Variants in ACTMAP observed in about 807,000 individuals in gnomAD.
ACTMAP encodes the protein UPF0692 protein C19orf54.
chr19:40,746,349 AGCTGGGATTATAG>A, the ACTMAP span, among the ~76,000 whole-genome samples: 2 of 151,788 alleles, frequency 1.3e-5, no homozygotes, highest in Non-Finnish European at 2.9e-5. Flanking sequence ...CCTCCTGAGT[AGCTGGGATTATAG>A]GCATGCGCCA....
the ACTMAP span, chr19:40,744,413 C>G: frequency 4.2e-5 from 60 of 1,434,886 alleles, no homozygotes; most frequent in Admixed American, 1.7e-4. Flanking sequence ...TCAAGTCCAT[C>G]TTGTAACCTC....
the ACTMAP span, among the ~76,000 whole-genome samples, chr19:40,745,921 C>T: frequency 6.6e-6 from 1 of 152,216 alleles, no homozygotes; most frequent in Non-Finnish European, 1.5e-5. Context: ...ATCCACCCAC[C>T]TTGGCCTCCC....
the ACTMAP span, chr19:40,742,614 C>A: frequency 3.1e-6 from 5 of 1,612,032 alleles, no homozygotes; most frequent in Non-Finnish European, 4.2e-6. Flanking sequence ...CCAACTCTTG[C>A]CCTGCTTGGA....
At chr19:40,744,932 T>C in the ACTMAP span, 1 of 798,998 alleles carries the variant, frequency 1.3e-6, no homozygotes, top group Non-Finnish European at 2.0e-6. Flanking sequence ...ACCAGGCTCA[T>C]TCGTTCATTC....
At chr19:40,741,368 G>A in the ACTMAP span, 4 of 195,122 alleles carry the variant, frequency 2.1e-5, no homozygotes, top group East Asian at 4.8e-4. Context: ...ACTTGAACCT[G>A]GGAAGTGGAG....
At chr19:40,742,098 G>C in the ACTMAP span, 38 of 536,244 alleles carry the variant, frequency 7.1e-5, no homozygotes, top group Middle Eastern at 8.6e-4. Flanking sequence ...GGTGAGCTGA[G>C]GCTGACGCAG....
chr19:40,742,992 C>T, the ACTMAP span, among the ~76,000 whole-genome samples: 2 of 152,120 alleles, frequency 1.3e-5, no homozygotes, highest in South Asian at 2.1e-4. Flanking sequence ...GGCCTGAGCA[C>T]AGGGGAGGTG....
the ACTMAP span, among the ~76,000 whole-genome samples, chr19:40,747,098 T>A: frequency 2.0e-5 from 3 of 151,956 alleles, no homozygotes; most frequent in Non-Finnish European, 4.4e-5. Context: ...TGAGCCACCG[T>A]GCCCGGCCCA....
the ACTMAP span, chr19:40,742,749 G>A: frequency 6.2e-7 from 1 of 1,609,752 alleles, no homozygotes; most frequent in South Asian, 1.1e-5. Flanking sequence ...ACTGGGCACA[G>A]CCCGAACACC....
the ACTMAP span, chr19:40,742,237 C>T: frequency 1.4e-6 from 1 of 717,612 alleles, no homozygotes. Flanking sequence ...AGGCAGGCCG[C>T]AGGGTCCGGG....
the ACTMAP span, among the ~76,000 whole-genome samples, chr19:40,748,972 T>G: frequency 6.7e-6 from 1 of 148,884 alleles, no homozygotes; most frequent in East Asian, 2.0e-4. Context: ...CTCACTAGAC[T>G]GGGCATTTGC....
At chr19:40,748,711 C>T in the ACTMAP span, among the ~76,000 whole-genome samples, 12 of 152,234 alleles carry the variant, frequency 7.9e-5, no homozygotes, top group Admixed American at 2.0e-4. Flanking sequence ...CCACTTCCCC[C>T]GGCAAGTTAA....
the ACTMAP span, chr19:40,744,223 G>A: frequency 7.8e-6 from 12 of 1,531,134 alleles, no homozygotes; most frequent in East Asian, 1.7e-4. Context: ...CACAGAGGGG[G>A]CTTGCTGCAT....
chr19:40,745,010 T>G, the ACTMAP span: 1 of 1,249,636 alleles, frequency 8.0e-7, no homozygotes, highest in African/African-American at 1.5e-5. Context: ...CCCCCTTTCC[T>G]TCCCTCCTCC....
chr19:40,749,404 A>ACCCCCC, the ACTMAP span: 56 of 1,174,614 alleles, frequency 4.8e-5, no homozygotes, highest in Non-Finnish European at 5.0e-5. Flanking sequence ...GGACACGGGA[A>ACCCCCC]CCCCCCCCCC....
chr19:40,742,790 G>C, the ACTMAP span: 1 of 1,589,670 alleles, frequency 6.3e-7, no homozygotes, highest in Non-Finnish European at 8.6e-7. Context: ...AGGAGAAGGT[G>C]GTGAGTGGCA....
the ACTMAP span, chr19:40,742,110 T>C: frequency 1.8e-6 from 1 of 553,344 alleles, no homozygotes; most frequent in Admixed American, 2.2e-5. Context: ...CTGACGCAGT[T>C]CAGTGTCCCT....
chr19:40,744,481 C>T, the ACTMAP span: 38 of 1,567,190 alleles, frequency 2.4e-5, no homozygotes, highest in African/African-American at 2.6e-4. Context: ...CCCTGACACA[C>T]GGCTGCCAGC....
At chr19:40,741,816 A>C in the ACTMAP span, 1 of 456,556 alleles carries the variant, frequency 2.2e-6, no homozygotes, top group South Asian at 1.5e-5. Flanking sequence ...ATCTGCTAAC[A>C]CAGGTAGAGG....
Sources: allele counts gnomAD v4.1 joint callset (sites outside exome capture counted in the v4.1 genomes callset), GRCh38; gene constraint gnomAD v4.1.1; transcripts MANE v1.5; gene names NCBI Gene and HGNC (gene_info 2026-07-23, HGNC 2026-07-21).